Variants in P3H2 observed in about 807,000 individuals in gnomAD.
P3H2 encodes leprecan-like 1.
A neutral mutation model predicts 87.0 loss-of-function variants in P3H2; 80 were observed. The observed-to-expected ratio is 0.92, with a 90% confidence interval of 0.77 to 1.11. The LOEUF is 1.11. Among genes scored for constraint, P3H2 ranks in the 50% least tolerant of loss-of-function variants. The pLI, the probability that P3H2 is intolerant of heterozygous loss-of-function variation, is 0.00. For missense variants in P3H2, 1,001 were observed against 923.9 expected (o/e 1.08, Z -1.08); for synonymous variants, 367 against 359.3 (o/e 1.02, Z -0.24).
intron 1 of P3H2, among the ~76,000 whole-genome samples, chr3:190,025,915 A>G (rs1364729198): frequency 3.9e-5 from 6 of 152,246 alleles, no homozygotes; most frequent in African/African-American, 1.4e-4. Flanking sequence ...TACTGGATTT[A>G]CAGTACACTT....
chr3:190,111,541 A>T (rs979460750), intron 1 of P3H2, among the ~76,000 whole-genome samples: 3 of 151,998 alleles, frequency 2.0e-5, no homozygotes, highest in African/African-American at 4.8e-5. Flanking sequence ...TGCCTTTTTT[A>T]AAAAAAATCA....
chr3:190,011,076 C>T (rs1314500967), intron 1 of P3H2, among the ~76,000 whole-genome samples: 3 of 152,224 alleles, frequency 2.0e-5, no homozygotes, highest in African/African-American at 7.2e-5. Flanking sequence ...TTGAGACGAT[C>T]CTGGCCAACT....
intron 1 of P3H2, among the ~76,000 whole-genome samples, chr3:190,079,342 A>G (rs551544670): frequency 3.4e-3 from 156 of 45,676 alleles, no homozygotes; most frequent in African/African-American, 0.014. Context: ...CTGTCTCAAA[A>G]AATAAATAAA....
At chr3:189,961,570 C>T (rs936363362) in intron 14 of P3H2, among the ~76,000 whole-genome samples, 2 of 152,070 alleles carry the variant, frequency 1.3e-5, no homozygotes, top group Non-Finnish European at 2.9e-5. Flanking sequence ...TGCTGCTGCA[C>T]GTTAGAATCA....
At chr3:190,118,778 A>C (rs776415447) in intron 1 of P3H2, among the ~76,000 whole-genome samples, 3 of 152,050 alleles carry the variant, frequency 2.0e-5, no homozygotes, top group African/African-American at 7.2e-5. Flanking sequence ...ATATTTGAAC[A>C]TGGTATGTAC....
At chr3:190,099,481 AG>A (rs1711541327) in intron 1 of P3H2, among the ~76,000 whole-genome samples, 1 of 152,224 alleles carries the variant, frequency 6.6e-6, no homozygotes, top group Non-Finnish European at 1.5e-5. Flanking sequence ...ATCTTTATAA[AG>A]GTTTTATCAG....
At chr3:190,095,734 G>A (rs933127981) in intron 1 of P3H2, among the ~76,000 whole-genome samples, 1 of 151,720 alleles carries the variant, frequency 6.6e-6, no homozygotes. Flanking sequence ...CCGAGTAGCT[G>A]GGACTACAGG....
At chr3:190,069,253 G>C (rs1463570367) in intron 1 of P3H2, among the ~76,000 whole-genome samples, 1 of 152,050 alleles carries the variant, frequency 6.6e-6, no homozygotes, top group Non-Finnish European at 1.5e-5. Flanking sequence ...TTCTCTACTG[G>C]GACATTGCTA....
chr3:189,962,157 T>C (rs1722834675), intron 14 of P3H2, among the ~76,000 whole-genome samples: 1 of 102,384 alleles, frequency 9.8e-6, no homozygotes, highest in Non-Finnish European at 2.2e-5. Flanking sequence ...TTTTTCTTCT[T>C]CTTCTTTTTT....
At chr3:190,016,731 C>T (rs1359561421) in intron 1 of P3H2, among the ~76,000 whole-genome samples, 1 of 152,200 alleles carries the variant, frequency 6.6e-6, no homozygotes, top group African/African-American at 2.4e-5. Context: ...AGTCATCTGG[C>T]CAAACCCCAC....
At chr3:189,994,333 C>G (rs9871856) in intron 2 of P3H2, 50 bp from the exon 3 acceptor site, 2 of 1,465,504 alleles carry the variant, frequency 1.4e-6, no homozygotes, top group Non-Finnish European at 1.9e-6. Flanking sequence ...AACAAACAAA[C>G]AAAAAAACCC....
chr3:189,995,555 G>GTT, intron 1 of P3H2, 113 bp from the exon 2 acceptor site: 20 of 705,488 alleles, frequency 2.8e-5, no homozygotes, highest in African/African-American at 6.3e-5. Context: ...TAGGAGCCTT[G>GTT]GTTTTTTTTT....
intron 1 of P3H2, among the ~76,000 whole-genome samples, chr3:190,052,760 T>C (rs910473273): frequency 6.6e-5 from 10 of 152,208 alleles, no homozygotes; most frequent in South Asian, 4.1e-4. Context: ...GTGAGTTTAA[T>C]TGATGATCAG....
chr3:189,973,511 C>CTTTCTTTT (rs1723245878), intron 10 of P3H2, among the ~76,000 whole-genome samples: 12 of 35,472 alleles, frequency 3.4e-4, no homozygotes, highest in African/African-American at 1.1e-3. Flanking sequence ...TTCTTTCTTT[C>CTTTCTTTT]TTTTTTTTTT....
chr3:189,963,593 T>C (rs941575893), intron 14 of P3H2: 7 of 253,718 alleles, frequency 2.8e-5, no homozygotes, highest in African/African-American at 4.4e-5. Context: ...TACAGGCGCA[T>C]GCCACCACAT....
Position 190,021,225 on chromosome 3 carries a change from A to T in P3H2, c.481-25783T>A, listed in dbSNP as rs1315259714. ...AAAAAGTGCTTGCGAGGTTCCAGAG[A>T]TTTTTCACCCTTTATGCAGATGTTT... On this transcript the variant is annotated intron_variant, in intron 1 of 14. Transcript: ENST00000319332. 1.5e-5 allele frequency among the ~76,000 whole-genome samples: 2 copies of T among 134,818 alleles called. 1 individual carries two copies. The highest frequency in any genetic ancestry group is 5.1e-4 in the East Asian group (2 of 3,960). 88.4% of individuals were successfully genotyped at this position (134,818 alleles called of 152,430 possible).
At chr3:189,963,643 C>T in intron 14 of P3H2, 1 of 310,254 alleles carries the variant, frequency 3.2e-6, no homozygotes, top group Non-Finnish European at 6.2e-6. Context: ...GGGGTTTCAG[C>T]ATGTTGATCA....
intron 1 of P3H2, among the ~76,000 whole-genome samples, chr3:190,005,430 T>C (rs1724359012): frequency 1.3e-5 from 2 of 152,240 alleles, no homozygotes; most frequent in Non-Finnish European, 2.9e-5. Flanking sequence ...TGAAAATAGC[T>C]TGGCAAATTT....
chr3:190,095,096 A>C (rs710583), intron 1 of P3H2, among the ~76,000 whole-genome samples: 67,780 of 151,438 alleles, frequency 0.45, 17,255 homozygotes, highest in African/African-American at 0.71. Flanking sequence ...CATATCTAAG[A>C]ATTTTATATG....
Sources: allele counts gnomAD v4.1 joint callset (sites outside exome capture counted in the v4.1 genomes callset), GRCh38; gene constraint gnomAD v4.1.1; transcripts MANE v1.5; gene names NCBI Gene and HGNC (gene_info 2026-07-23, HGNC 2026-07-21).